The following ABCC9 variants were observed in gnomAD, a reference collection of about 807,000 sequenced individuals.
The protein encoded by ABCC9 is ATP-binding cassette sub-family C member 9.
In ABCC9, 95 loss-of-function variants were observed where a neutral mutation model predicts 188.3. That is an observed-to-expected ratio of 0.50 (90% CI 0.43 to 0.60). The LOEUF (loss-of-function observed/expected upper bound fraction) is 0.60. ABCC9 is among the 20% of genes least tolerant of loss of function. The pLI is 0.00. For missense variants in ABCC9, 1,102 were observed against 1,876.3 expected, an observed-to-expected ratio of 0.59 and a Z score of 7.62; for synonymous variants, 659 against 652.7, an observed-to-expected ratio of 1.01 and a Z score of -0.15.
chr12:21,854,058 C>T (rs536151489), intron 22 of ABCC9, among the ~76,000 whole-genome samples: 1 of 152,228 alleles, frequency 6.6e-6, no homozygotes, highest in Non-Finnish European at 1.5e-5. Flanking sequence ...CTACTACACA[C>T]AGGCTACATG....
chr12:21,938,424 A>T (rs1489962150), intron 2 of ABCC9, among the ~76,000 whole-genome samples: 1 of 152,188 alleles, frequency 6.6e-6, no homozygotes, highest in African/African-American at 2.4e-5. Context: ...TGAAGTTTTT[A>T]AAAAACAGCA....
intron 6 of ABCC9, among the ~76,000 whole-genome samples, chr12:21,916,239 A>C (rs1396004740): frequency 6.6e-6 from 1 of 152,172 alleles, no homozygotes; most frequent in Non-Finnish European, 1.5e-5. Flanking sequence ...TACTTTGTTT[A>C]GATTTTAAAA....
At chr12:21,907,932 A>G (rs1334425960) in intron 11 of ABCC9, 145 bp downstream of exon 11, 2 of 986,270 alleles carry the variant, frequency 2.0e-6, no homozygotes, top group African/African-American at 3.3e-5. Flanking sequence ...TGCAACATGG[A>G]AAATACACAT....
intron 26 of ABCC9, 25 bp downstream of exon 26, chr12:21,845,578 A>C (rs1466801660): frequency 1.3e-6 from 2 of 1,591,772 alleles, no homozygotes; most frequent in African/African-American, 2.7e-5. Context: ...TTGATGATTT[A>C]AAAACAAAAC....
intron 31 of ABCC9, 74 bp downstream of exon 31, chr12:21,828,884 T>C: frequency 8.1e-7 from 1 of 1,237,690 alleles, no homozygotes; most frequent in South Asian, 1.2e-5. Flanking sequence ...TACTAATTTT[T>C]ACAACTGTCT....
At chr12:21,924,568 A>AATATGATC (rs1176114840) in intron 5 of ABCC9, 1 of 152,110 alleles carries the variant, frequency 6.6e-6, no homozygotes, top group African/African-American at 2.4e-5. Flanking sequence ...TCCTTCCAGC[A>AATATGATC]ATATGATCAA....
chr12:21,915,601 C>T (rs1378500963), intron 7 of ABCC9, 67 bp downstream of exon 7: 19 of 1,575,724 alleles, frequency 1.2e-5, no homozygotes, highest in African/African-American at 8.5e-5. Flanking sequence ...CAAGCTCTGC[C>T]TCCCAGGTTC....
chr12:21,800,909 AAAAT>A lies in ABCC9; in HGVS notation c.*131_*134del, dbSNP rs1488833131. 11 of 1,030,742 alleles carry A rather than the reference AAAAT, an allele frequency of 1.1e-5. No homozygotes were observed. The highest frequency in any genetic ancestry group is 6.5e-5 in the African/African-American group (4 of 61,866). 63.8% of individuals were successfully genotyped at this position (1,030,742 alleles called of 1,614,324 possible). ...TTGAAAAACTGTTTTAAAAACAGGA[AAAAT>A]AAATGTCCACTTTTTGTGCAAAAAT... On this transcript the variant is annotated 3_prime_UTR_variant, in exon 40 of 40. Transcript: ENST00000261200.
In ABCC9 at chr12:21,866,842, T is replaced by G. The variant is rs563081691; in HGVS notation, c.2199-2365A>C. 2.6e-5 allele frequency among the ~76,000 whole-genome samples: 4 copies of G among 152,072 alleles called. No homozygotes were observed. The South Asian group carries it at 6.2e-4, about 24-fold the overall frequency. ...CAGAGTAAAAGAGAAGAACAGAGGTTAAGTGTGGGTGGACTAGGTCGTTAA... is the reference window on the plus strand; with the variant it reads ...CAGAGTAAAAGAGAAGAACAGAGGTGAAGTGTGGGTGGACTAGGTCGTTAA... On this transcript the variant is annotated intron_variant, in intron 18 of 39. Transcript: ENST00000261200.
At chr12:21,877,020 T>C (rs770433059) in intron 16 of ABCC9, among the ~76,000 whole-genome samples, 3 of 152,174 alleles carry the variant, frequency 2.0e-5, no homozygotes, top group Non-Finnish European at 2.9e-5. Context: ...AAATTAGTCA[T>C]GGAAGGAGGG....
In ABCC9 at chr12:21,808,778, C is replaced by CAAA. The variant is rs34314026; in HGVS notation, c.4315+1071_4315+1073dup. 1.4e-3 allele frequency among the ~76,000 whole-genome samples: 113 copies of CAAA among 80,304 alleles called. 1 individual carries two copies. Among genetic ancestry groups the CAAA allele is most frequent in the Non-Finnish European group, 1.9e-3 (75 of 40,262 alleles). 52.7% of individuals were successfully genotyped at this position (80,304 alleles called of 152,430 possible). On this transcript the variant is annotated intron_variant, in intron 37 of 39. Coordinates refer to ENST00000261200, the MANE Select transcript of ABCC9 (RefSeq NM_020297.4). Reference sequence around the variant, plus strand: ...TGGGTAACATAGCGAGAACTTGTCTCAAAAAAAAAAAAAAAAAAAAAGAAA... The same window carrying CAAA: ...TGGGTAACATAGCGAGAACTTGTCTCAAAAAAAAAAAAAAAAAAAAAAAAGAAA...
At chr12:21,902,699 G>A (rs1360291393) in intron 12 of ABCC9, among the ~76,000 whole-genome samples, 1 of 152,108 alleles carries the variant, frequency 6.6e-6, no homozygotes, top group Non-Finnish European at 1.5e-5. Flanking sequence ...TAGAAGAAAT[G>A]GATAAATTCC....
At chr12:21,822,267 C>G (rs1354738641) in intron 31 of ABCC9, among the ~76,000 whole-genome samples, 2 of 150,962 alleles carry the variant, frequency 1.3e-5, no homozygotes, top group Non-Finnish European at 2.9e-5. Flanking sequence ...ATTTTACTAA[C>G]TAGATACTTT....
chr12:21,916,486 A>G (rs1042232301), intron 6 of ABCC9, among the ~76,000 whole-genome samples: 11 of 152,330 alleles, frequency 7.2e-5, no homozygotes, highest in Admixed American at 1.3e-4. Context: ...TGTCTTGACC[A>G]TATTACTTTG....
At chr12:21,901,156 T>A (rs1947728656) in intron 12 of ABCC9, among the ~76,000 whole-genome samples, 1 of 152,146 alleles carries the variant, frequency 6.6e-6, no homozygotes, top group Non-Finnish European at 1.5e-5. Context: ...TATTTGACAT[T>A]CTTAAAGTAG....
intron 7 of ABCC9, among the ~76,000 whole-genome samples, chr12:21,914,876 TA>T (rs1447614801): frequency 2.0e-5 from 3 of 150,240 alleles, no homozygotes; most frequent in African/African-American, 7.3e-5. Flanking sequence ...TCCTCAACCA[TA>T]GATATGATTT....
chr12:21,932,182 A>G (rs1565497544), intron 4 of ABCC9, among the ~76,000 whole-genome samples: 1 of 152,056 alleles, frequency 6.6e-6, no homozygotes, highest in Non-Finnish European at 1.5e-5. Flanking sequence ...ACTATATGAG[A>G]AAAATATTTT....
Position 21,797,498 on chromosome 12 carries a change from T to C in ABCC9, c.*3546A>G, listed in dbSNP as rs964221710. 2.6e-5 allele frequency: 4 copies of C among 152,200 alleles called. No homozygotes were observed. The highest frequency in any genetic ancestry group is 5.9e-5 in the Non-Finnish European group (4 of 68,032). The allele number at this position is 152,200 out of a possible 1,614,324, so 9.4% of individuals were successfully genotyped here. On this transcript the variant is annotated 3_prime_UTR_variant, in exon 40 of 40. Transcript: ENST00000261200. ...TAGAGAACAAATACATTTTATATAT[T>C]GTAGAGAATAAATAGAATAAACACA...
intron 12 of ABCC9, among the ~76,000 whole-genome samples, chr12:21,904,130 C>T (rs1947914025): frequency 2.0e-5 from 3 of 151,606 alleles, no homozygotes; most frequent in Non-Finnish European, 4.4e-5. Flanking sequence ...TACCACACAT[C>T]TGCAACCATC....
Sources: allele counts gnomAD v4.1 joint callset (sites outside exome capture counted in the v4.1 genomes callset), GRCh38; gene constraint gnomAD v4.1.1; transcripts MANE v1.5; gene names NCBI Gene and HGNC (gene_info 2026-07-23, HGNC 2026-07-21).